Variants in BLMH observed in about 807,000 individuals in gnomAD.
BLMH encodes bleomycin hydrolase.
BLMH carries 32 observed loss-of-function variants against 61.6 expected under a neutral mutation model. The observed-to-expected ratio is 0.52, with a 90% CI of 0.39 to 0.70. The LOEUF (loss-of-function observed/expected upper bound fraction) is 0.70. Among genes scored for constraint, BLMH ranks in the 30% least tolerant of loss-of-function variants. The pLI is 0.00. For synonymous variants in BLMH, 183 were observed against 193.8 expected (o/e 0.94, Z 0.46); for missense variants, 460 against 555.5 (o/e 0.83, Z 1.73).
In BLMH at chr17:30,251,511, G is replaced by A. The variant is rs116352805; in HGVS notation, c.1217-2343C>T. On this transcript the variant is annotated intron_variant, in intron 11 of 11. Coordinates refer to ENST00000261714, the MANE Select transcript of BLMH (RefSeq NM_000386.4). Reference sequence around the variant, plus strand: ...TCAGCACCACGACTGTCATCTGACCGTATCTGCTACTTGTTTTATAGTAAA... The same window carrying A: ...TCAGCACCACGACTGTCATCTGACCATATCTGCTACTTGTTTTATAGTAAA... Among the ~76,000 whole-genome samples the A allele has an allele frequency of 5.5e-3, 839 of 152,360 alleles. 6 individuals are homozygous for A. Among genetic ancestry groups the A allele is most frequent in the African/African-American group, 0.019 (770 of 41,582 alleles).
chr17:30,261,989 GT>G (rs575449660), intron 11 of BLMH, among the ~76,000 whole-genome samples: 4 of 152,272 alleles, frequency 2.6e-5, no homozygotes, highest in Admixed American at 6.5e-5. Flanking sequence ...AAAAATGTGG[GT>G]TAAAAACAAT....
At chr17:30,262,024 G>A (rs1023968306) in intron 11 of BLMH, among the ~76,000 whole-genome samples, 1 of 152,100 alleles carries the variant, frequency 6.6e-6, no homozygotes, top group Non-Finnish European at 1.5e-5. Context: ...GTATCTGAAA[G>A]GAACAAAAGC....
chr17:30,284,919 G>A (rs931733802), intron 6 of BLMH, among the ~76,000 whole-genome samples: 4 of 152,152 alleles, frequency 2.6e-5, no homozygotes, highest in African/African-American at 9.7e-5. Context: ...GGTAAATTCT[G>A]ACTACTCTTT....
chr17:30,262,786 C>A (rs1907995377), intron 11 of BLMH, among the ~76,000 whole-genome samples: 1 of 152,150 alleles, frequency 6.6e-6, no homozygotes, highest in Non-Finnish European at 1.5e-5. Context: ...CAGAGCAAGA[C>A]TCCGTCTCAA....
In BLMH at chr17:30,286,894, C is replaced by T; in HGVS notation, c.472G>A (p.Gly158Ser). Residue 158 changes from glycine to serine, a missense_variant, in exon 5 of 12, where the codon GGT (glycine) becomes AGT (serine). Gly to Ser is a moderately conservative substitution (Grantham distance 56). Coordinates refer to ENST00000261714, the MANE Select transcript of BLMH (RefSeq NM_000386.4). ...DMLVNIVEKY[G>S]VIPKKCFPES... is the part of the protein sequence containing the mutation. Reference sequence around the variant, plus strand: ...GGGAAGCATTTCTTAGGGATAACACCATATTTTTCTAAAAGAAAACAAATT... The same window carrying T: ...GGGAAGCATTTCTTAGGGATAACACTATATTTTTCTAAAAGAAAACAAATT... The T allele has an allele frequency of 6.3e-7, 1 of 1,578,928 alleles. No homozygotes were observed. The highest frequency in any genetic ancestry group is 8.7e-7 in the Non-Finnish European group (1 of 1,151,482).
intron 6 of BLMH, among the ~76,000 whole-genome samples, chr17:30,277,899 T>C (rs1908465111): frequency 6.6e-6 from 1 of 152,212 alleles, no homozygotes. Flanking sequence ...AATAAAAATA[T>C]AATTAAGGCA....
chr17:30,282,876 A>G (rs924650852), intron 6 of BLMH, among the ~76,000 whole-genome samples: 11 of 152,230 alleles, frequency 7.2e-5, no homozygotes. Flanking sequence ...AACCTTATAC[A>G]CAGGGCCAGG....
chr17:30,279,836 G>A (rs369257959), intron 6 of BLMH, among the ~76,000 whole-genome samples: 2 of 152,138 alleles, frequency 1.3e-5, no homozygotes, highest in South Asian at 4.1e-4. Flanking sequence ...CTAGTGGAGA[G>A]ATCTGTTTAT....
intron 2 of BLMH, among the ~76,000 whole-genome samples, chr17:30,290,329 G>C (rs965856145): frequency 6.6e-6 from 1 of 152,152 alleles, no homozygotes; most frequent in Non-Finnish European, 1.5e-5. Context: ...TTCCCTAACG[G>C]GTCACTGCAA....
intron 11 of BLMH, among the ~76,000 whole-genome samples, chr17:30,262,561 G>A (rs529700548): frequency 6.6e-6 from 1 of 152,158 alleles, no homozygotes; most frequent in South Asian, 2.1e-4. Context: ...TTGGGAGGCC[G>A]AGGTGGGAGG....
chr17:30,266,814 G>A, intron 11 of BLMH, 71 bp downstream of exon 11: 2 of 1,384,078 alleles, frequency 1.4e-6, no homozygotes, highest in South Asian at 1.2e-5. Context: ...CACTAGAGCA[G>A]CTTGACACCC....
intron 11 of BLMH, among the ~76,000 whole-genome samples, chr17:30,259,125 G>A (rs1483862989): frequency 2.0e-5 from 3 of 152,144 alleles, no homozygotes; most frequent in African/African-American, 7.2e-5. Flanking sequence ...GCTTATTCTT[G>A]TGTTTATGTT....
At chr17:30,256,205 G>A (rs1907810409) in intron 11 of BLMH, among the ~76,000 whole-genome samples, 1 of 151,984 alleles carries the variant, frequency 6.6e-6, no homozygotes, top group Non-Finnish European at 1.5e-5. Context: ...ATTTTAAATT[G>A]GAGCTTTTTT....
At chr17:30,291,179 C>T in intron 2 of BLMH, 132 bp downstream of exon 2, 2 of 1,145,332 alleles carry the variant, frequency 1.7e-6, no homozygotes, top group South Asian at 1.5e-5. Context: ...CCTGCCTGTA[C>T]CTGTGCCTCA....
chr17:30,257,363 T>G (rs767565000), intron 11 of BLMH, among the ~76,000 whole-genome samples: 22 of 152,028 alleles, frequency 1.4e-4, no homozygotes, highest in Non-Finnish European at 2.4e-4. Context: ...GTAAGTGAAG[T>G]GAGGACAAGA....
Position 30,249,057 on chromosome 17 carries a change from A to C in BLMH, c.1328T>G (p.Ile443Ser), listed in dbSNP as rs1175806407. The C allele has an allele frequency of 1.2e-6, 2 of 1,613,970 alleles. No individual in the cohort carries two copies. Among genetic ancestry groups the C allele is most frequent in the Non-Finnish European group, 1.7e-6 (2 of 1,179,972 alleles). ...VLAVLEQEPI[I>S]LPAWDPMGAL... is the part of the protein sequence containing the mutation. ...TCCCATGGGGTCCCATGCTGGCAGGATAATGGGTTCCTGCTCTAACACAGC... is the reference window on the plus strand; with the variant it reads ...TCCCATGGGGTCCCATGCTGGCAGGCTAATGGGTTCCTGCTCTAACACAGC... The change falls in exon 12 of 12, where the codon ATC becomes AGC. Residue 443 changes from isoleucine (I) to serine (S), a missense_variant. This residue lies in a region of BLMH where 310 missense variants were observed against 371.1 expected (regional missense o/e 0.84). Transcript: ENST00000261714.
In BLMH at chr17:30,271,444, C is replaced by T. The variant is rs1908269116; in HGVS notation, c.1029-56G>A. ...GGAGTACGATCATGGGGAAAACTGG[C>T]TTTTGGTTGTAAAAGGAATTCAGAA... On this transcript the variant is annotated intron_variant, in intron 9 of 11. Coordinates refer to ENST00000261714, the MANE Select transcript of BLMH (RefSeq NM_000386.4). 64 of 1,429,526 alleles carry T rather than the reference C, an allele frequency of 4.5e-5. 1 individual carries two copies. The East Asian group carries it at 1.4e-3, about 32-fold the overall frequency. 88.6% of individuals were successfully genotyped at this position (1,429,526 alleles called of 1,614,324 possible). A position where few individuals can be genotyped will look rare whatever the true frequency, so the allele number is the denominator to read the frequency against.
chr17:30,272,936 A>G (rs1189061621), intron 7 of BLMH, 37 bp from the exon 8 acceptor site: 8 of 1,605,560 alleles, frequency 5.0e-6, no homozygotes, highest in Non-Finnish European at 6.8e-6. Context: ...AGGGCACAAA[A>G]CCAGGAATGT....
rs563723332 is a variant in BLMH, at chr17:30,279,227, C to G, written c.646-5030G>C. Among the ~76,000 whole-genome samples, 61 of 152,264 alleles carry G rather than the reference C, an allele frequency of 4.0e-4. No individual in the cohort carries two copies. In the South Asian group the frequency reaches 0.012, roughly 31 times the overall value. On this transcript the variant is annotated intron_variant, in intron 6 of 11. Transcript: ENST00000261714. ...TAATTATTCCCTTAAATATAGATTA[C>G]TGAGAAAGGTCCCCTAAAATTGTGA...
Sources: gnomAD v4.1 joint callset for allele counts (sites outside exome capture counted in the v4.1 genomes callset) on GRCh38, gnomAD v4.1.1 for gene constraint, gnomAD v4.1.1 regional missense constraint, MANE v1.5 for transcripts, NCBI Gene and HGNC (gene_info 2026-07-23, HGNC 2026-07-21) for gene names.